ICE2: variants seen among roughly 807,000 people sequenced by gnomAD.
ICE2 encodes the protein interactor of little elongation complex ELL subunit 2.
A neutral mutation model predicts 105.4 loss-of-function variants in ICE2; 87 were observed. That is an observed-to-expected ratio of 0.83 (90% CI 0.69 to 0.99). ICE2 has a LOEUF of 0.99. Among genes scored for constraint, ICE2 ranks in the 50% least tolerant of loss-of-function variants. The pLI, the probability that ICE2 is intolerant of heterozygous loss-of-function variation, is 0.00. For synonymous variants in ICE2, 399 were observed against 392.0 expected, an observed-to-expected ratio of 1.02 and a Z score of -0.21; for missense variants, 1,323 against 1,146.7, an observed-to-expected ratio of 1.15 and a Z score of -2.22.
chr15:60,457,678 G>A (rs758428822), intron 5 of ICE2, among the ~76,000 whole-genome samples: 13 of 151,834 alleles, frequency 8.6e-5, no homozygotes, highest in African/African-American at 1.2e-4. Context: ...AACCCCTTCC[G>A]CCCTTTTCTA....
In ICE2 at chr15:60,476,100, C is replaced by T. The variant is rs1308342827; in HGVS notation, c.109G>A (p.Ala37Thr). ...ACACGTAGTTCTTTTAAACTTGGAG[C>T]CATGGAATGATCTTTATAATTTTCT... ...SRENYKDHSM[A>T]PSLKELRVLS... The change falls in exon 3 of 16, where the codon GCT becomes ACT. Residue 37 changes from alanine to threonine, a missense_variant. Coordinates refer to ENST00000261520, the MANE Select transcript of ICE2 (RefSeq NM_024611.6). 2 of 1,606,690 alleles carry T rather than the reference C, an allele frequency of 1.2e-6. No individual in the cohort carries two copies. Among genetic ancestry groups the T allele is most frequent in the African/African-American group, 2.7e-5 (2 of 74,450 alleles).
intron 3 of ICE2, among the ~76,000 whole-genome samples, chr15:60,471,914 A>C (rs2064607588): frequency 6.6e-6 from 1 of 152,058 alleles, no homozygotes; most frequent in Non-Finnish European, 1.5e-5. Context: ...TTTCAAGTCT[A>C]CTAGTATCTT....
At chr15:60,466,148 G>T (rs1427432792) in intron 5 of ICE2, among the ~76,000 whole-genome samples, 1 of 152,180 alleles carries the variant, frequency 6.6e-6, no homozygotes, top group Admixed American at 6.5e-5. Flanking sequence ...AAATTTGCAT[G>T]AATGAGTGAA....
At chr15:60,464,761 T>C (rs763088247) in intron 5 of ICE2, among the ~76,000 whole-genome samples, 2 of 152,146 alleles carry the variant, frequency 1.3e-5, no homozygotes, top group Non-Finnish European at 2.9e-5. Flanking sequence ...AGATGGGCTG[T>C]AATCCCAGCA....
intron 13 of ICE2, among the ~76,000 whole-genome samples, chr15:60,434,043 A>G (rs2063523244): frequency 6.6e-6 from 1 of 152,128 alleles, no homozygotes; most frequent in African/African-American, 2.4e-5. Context: ...TTCTTACCCT[A>G]AGTGGGAATC....
chr15:60,472,987 G>A (rs2064648543), intron 3 of ICE2, among the ~76,000 whole-genome samples: 2 of 151,780 alleles, frequency 1.3e-5, no homozygotes, highest in Non-Finnish European at 2.9e-5. Flanking sequence ...TTGCTCTGTT[G>A]TCCAGAAGTG....
chr15:60,452,987 TTGGGTGGCTGAGA>T, intron 9 of ICE2: 2 of 979,190 alleles, frequency 2.0e-6, no homozygotes, highest in Non-Finnish European at 2.4e-6. Flanking sequence ...TCCCAGCACT[TTGGGTGGCTGAGA>T]TGGGTGGATC....
At chr15:60,446,379 T>C (rs1006780665) in intron 11 of ICE2, among the ~76,000 whole-genome samples, 18 of 152,102 alleles carry the variant, frequency 1.2e-4, no homozygotes, top group Non-Finnish European at 2.1e-4. Context: ...TTATTAGCAA[T>C]GTGGAAAAGT....
chr15:60,448,318 A>C (rs765914466), intron 10 of ICE2, among the ~76,000 whole-genome samples, 173 bp from the exon 11 acceptor site: 10 of 152,364 alleles, frequency 6.6e-5, no homozygotes, highest in Non-Finnish European at 1.5e-4. Flanking sequence ...CTGGAACTGC[A>C]GTAAGAGCTG....
At chr15:60,476,011 T>C in intron 3 of ICE2, 52 bp downstream of exon 3, 1 of 1,213,904 alleles carries the variant, frequency 8.2e-7, no homozygotes, top group Non-Finnish European at 1.2e-6. Context: ...ACTTCAACTA[T>C]CAGAAAAACG....
chr15:60,439,415 C>G (rs2063671710), intron 12 of ICE2: 1 of 152,286 alleles, frequency 6.6e-6, no homozygotes, highest in African/African-American at 2.4e-5. Flanking sequence ...GGGTCTCACT[C>G]TGTCGGCCAG....
intron 13 of ICE2, among the ~76,000 whole-genome samples, chr15:60,434,569 T>G (rs1472987752): frequency 1.6e-5 from 2 of 126,480 alleles, no homozygotes; most frequent in Non-Finnish European, 1.7e-5. Flanking sequence ...ACACACACAA[T>G]GGAATATATT....
chr15:60,472,160 A>AT (rs1487423978), intron 3 of ICE2, among the ~76,000 whole-genome samples: 3 of 151,732 alleles, frequency 2.0e-5, no homozygotes, highest in Non-Finnish European at 4.4e-5. Flanking sequence ...ATATTCTATA[A>AT]TTTTTTTTCA....
intron 11 of ICE2, among the ~76,000 whole-genome samples, chr15:60,445,356 C>T (rs1033464768): frequency 6.6e-6 from 1 of 152,128 alleles, no homozygotes; most frequent in Non-Finnish European, 1.5e-5. Context: ...CACCATTTTC[C>T]TCATTTACTC....
rs1445781675 is a variant in ICE2 at position 60,421,192 on chromosome 15, T to TA, written c.*2441dup. 1 of 102,766 alleles carries TA rather than the reference T, an allele frequency of 9.7e-6. No individual in the cohort carries two copies. The highest frequency in any genetic ancestry group is 2.0e-5 in the Non-Finnish European group (1 of 51,206). 6.4% of individuals were successfully genotyped at this position (102,766 alleles called of 1,614,324 possible). A position where few individuals can be genotyped will look rare whatever the true frequency, so the allele number is the denominator to read the frequency against. On this transcript the variant is annotated 3_prime_UTR_variant, in exon 16 of 16. Transcript: ENST00000261520. Reference sequence around the variant, plus strand: ...AGGGTGATCACATCCTTGCTAGCCCTAAGTCTGATTTAAAAAAAAAAAAAA... The same window carrying TA: ...AGGGTGATCACATCCTTGCTAGCCCTAAAGTCTGATTTAAAAAAAAAAAAAA...
chr15:60,441,848 G>C (rs886748683), intron 12 of ICE2: 1 of 152,098 alleles, frequency 6.6e-6, no homozygotes, highest in Non-Finnish European at 1.5e-5. Flanking sequence ...AAAGGAAAAA[G>C]TCATTTCATC....
Position 60,452,074 on chromosome 15 carries a change from C to G in ICE2, c.1125+1529G>C, listed in dbSNP as rs1026028354. On this transcript the variant is annotated intron_variant, in intron 9 of 15. Coordinates refer to ENST00000261520, the MANE Select transcript of ICE2 (RefSeq NM_024611.6). Reference sequence around the variant, plus strand: ...AAAGAAGCCACTGTCAATTTTCATCCCTTTTAACCTACCTCATGTTTCTTC... The same window carrying G: ...AAAGAAGCCACTGTCAATTTTCATCGCTTTTAACCTACCTCATGTTTCTTC... 4 of 984,944 alleles carry G rather than the reference C, an allele frequency of 4.1e-6. No individual in the cohort carries two copies. The African/African-American group carries it at 5.2e-5, about 13-fold the overall frequency. The allele number at this position is 984,944 out of a possible 1,614,324, so 61.0% of individuals were successfully genotyped here. A position where few individuals can be genotyped will look rare whatever the true frequency, so the allele number is the denominator to read the frequency against.
At chr15:60,426,635 C>G (rs891857004) in intron 15 of ICE2, among the ~76,000 whole-genome samples, 2 of 152,170 alleles carry the variant, frequency 1.3e-5, no homozygotes, top group African/African-American at 4.8e-5. Flanking sequence ...ATTTTAGTGT[C>G]AGTCTATATC....
rs2063234710 is a variant in ICE2, at chr15:60,420,753, A to C, written c.*2881T>G. ...CTATCTCAGAAAACCTTAACTACCAAGATCTGGTTAGATGACTTGCTTACT... is the reference window on the plus strand; with the variant it reads ...CTATCTCAGAAAACCTTAACTACCACGATCTGGTTAGATGACTTGCTTACT... On this transcript the variant is annotated 3_prime_UTR_variant, in exon 16 of 16. Transcript: ENST00000261520. 1 of 152,202 alleles carries C rather than the reference A, an allele frequency of 6.6e-6. No homozygotes were observed. The highest frequency in any genetic ancestry group is 6.5e-5 in the Admixed American group (1 of 15,280). The allele number at this position is 152,202 out of a possible 1,614,324, so 9.4% of individuals were successfully genotyped here. A position where few individuals can be genotyped will look rare whatever the true frequency, so the allele number is the denominator to read the frequency against.
Sources: allele counts gnomAD v4.1 joint callset (sites outside exome capture counted in the v4.1 genomes callset), GRCh38; gene constraint gnomAD v4.1.1; transcripts MANE v1.5; gene names NCBI Gene and HGNC (gene_info 2026-07-23, HGNC 2026-07-21).